The following MTUS2 variants were observed in gnomAD, a reference collection of about 807,000 sequenced individuals.
MTUS2 encodes the protein microtubule-associated tumor suppressor candidate 2.
In MTUS2, 40 loss-of-function variants were observed where a neutral mutation model predicts 114.1. The observed-to-expected ratio is 0.35, with a 90% CI of 0.27 to 0.46. MTUS2 has a LOEUF of 0.46. Among genes scored for constraint, MTUS2 ranks in the 20% least tolerant of loss-of-function variants. The probability of loss-of-function intolerance (pLI) is 1.00; values close to 1 mark genes in which losing one functional copy is unlikely to be tolerated. For synonymous variants in MTUS2, 688 were observed against 672.0 expected (o/e 1.02, Z -0.37); for missense variants, 1,679 against 1,705.4 (o/e 0.98, Z 0.27).
intron 5 of MTUS2, among the ~76,000 whole-genome samples, chr13:29,225,567 A>G (rs1593190205): frequency 1.3e-5 from 2 of 152,236 alleles, no homozygotes; most frequent in African/African-American, 2.4e-5. Flanking sequence ...TTAGAAAGAG[A>G]CATCTGAATA....
intron 2 of MTUS2, among the ~76,000 whole-genome samples, chr13:28,954,153 G>T (rs1038937700): frequency 6.6e-6 from 1 of 152,154 alleles, no homozygotes; most frequent in Non-Finnish European, 1.5e-5. Flanking sequence ...TGCAGAGTGT[G>T]TTCATTTTTA....
intron 5 of MTUS2, among the ~76,000 whole-genome samples, chr13:29,182,879 G>A (rs951925997): frequency 9.2e-5 from 14 of 152,298 alleles, no homozygotes; most frequent in African/African-American, 3.1e-4. Flanking sequence ...AACAGGCTTA[G>A]TGAGTTCCAA....
chr13:28,885,783 A>G (rs1272176570), intron 2 of MTUS2, among the ~76,000 whole-genome samples: 1 of 152,224 alleles, frequency 6.6e-6, no homozygotes, highest in East Asian at 1.9e-4. Context: ...TATCCCAGGC[A>G]ATGTTTTAGG....
chr13:29,432,008 C>CTTT (rs1318136819), intron 8 of MTUS2, among the ~76,000 whole-genome samples: 9 of 119,138 alleles, frequency 7.6e-5, no homozygotes, highest in East Asian at 2.9e-4. Context: ...CCACGCTCAG[C>CTTT]TATTTTTTTT....
At chr13:29,446,603 C>T (rs1196677809) in intron 9 of MTUS2, among the ~76,000 whole-genome samples, 1 of 152,128 alleles carries the variant, frequency 6.6e-6, no homozygotes, top group Non-Finnish European at 1.5e-5. Context: ...TTACTTTTTA[C>T]CTCTTTTGTT....
intron 2 of MTUS2, among the ~76,000 whole-genome samples, chr13:28,900,695 G>A (rs1047823379): frequency 5.3e-5 from 8 of 152,228 alleles, no homozygotes; most frequent in East Asian, 3.9e-4. Context: ...GTGGTTTCTC[G>A]TTCTAGGCTG....
At chr13:29,409,820 A>G (rs1483683662) in intron 8 of MTUS2, among the ~76,000 whole-genome samples, 4 of 149,936 alleles carry the variant, frequency 2.7e-5, no homozygotes, top group African/African-American at 7.4e-5. Flanking sequence ...TTTAACAACC[A>G]TAGTACTCCA....
intron 2 of MTUS2, among the ~76,000 whole-genome samples, chr13:28,943,089 G>A (rs575372460): frequency 7.7e-4 from 117 of 152,298 alleles, no homozygotes; most frequent in African/African-American, 2.6e-3. Flanking sequence ...ATTATGCTTA[G>A]TATCCCTTCT....
intron 9 of MTUS2, among the ~76,000 whole-genome samples, chr13:29,478,232 GAGT>G (rs1474439777): frequency 1.3e-5 from 2 of 152,202 alleles, no homozygotes; most frequent in Non-Finnish European, 2.9e-5. Context: ...GACGTCATCG[GAGT>G]AACTCGTGAA....
At chr13:29,228,664 A>G (rs1008781038) in intron 5 of MTUS2, among the ~76,000 whole-genome samples, 1 of 152,050 alleles carries the variant, frequency 6.6e-6, no homozygotes, top group Non-Finnish European at 1.5e-5. Context: ...TAGCATGAGG[A>G]ACTAAGTAAC....
intron 8 of MTUS2, among the ~76,000 whole-genome samples, chr13:29,424,679 T>G (rs776106992): frequency 6.6e-6 from 1 of 152,180 alleles, no homozygotes; most frequent in African/African-American, 2.4e-5. Flanking sequence ...AAATTGAACT[T>G]GAATCTAACC....
intron 8 of MTUS2, among the ~76,000 whole-genome samples, chr13:29,367,952 T>TG (rs1463362067): frequency 1.3e-5 from 2 of 150,994 alleles, no homozygotes; most frequent in African/African-American, 4.9e-5. Context: ...CTTTTTTTTT[T>TG]TTTTGAGATG....
At chr13:28,843,780 T>G (rs1875667966) in intron 2 of MTUS2, among the ~76,000 whole-genome samples, 1 of 152,216 alleles carries the variant, frequency 6.6e-6, no homozygotes. Context: ...TTTATTAAAC[T>G]AGGTCATCAG....
chr13:29,007,829 A>G (rs9506074), intron 2 of MTUS2, among the ~76,000 whole-genome samples: 68,606 of 152,086 alleles, frequency 0.45, 15,721 homozygotes, highest in Admixed American at 0.5. Flanking sequence ...TGTTTATGTT[A>G]TCCATAAGGC....
chr13:29,125,575 A>T (rs1422857160), intron 5 of MTUS2, among the ~76,000 whole-genome samples: 1 of 152,216 alleles, frequency 6.6e-6, no homozygotes, highest in Admixed American at 6.5e-5. Flanking sequence ...GAACGGTTTC[A>T]TGCAGCCACT....
intron 5 of MTUS2, among the ~76,000 whole-genome samples, chr13:29,246,579 C>T (rs1896933433): frequency 6.6e-6 from 1 of 152,218 alleles, no homozygotes; most frequent in Admixed American, 6.5e-5. Flanking sequence ...TGAACTCAAA[C>T]AGCACCTTGC....
Position 29,359,247 on chromosome 13 carries a change from T to A in MTUS2, c.2906-15T>A, listed in dbSNP as rs1426971362. ...TTTTTCACAGGTGACCGGGGTTTGGTTTTCTTTCTCACAGGATACCCAAAG... is the reference window on the plus strand; with the variant it reads ...TTTTTCACAGGTGACCGGGGTTTGGATTTCTTTCTCACAGGATACCCAAAG... On this transcript the variant is annotated splice_polypyrimidine_tract_variant and intron_variant, in intron 7 of 15. Transcript: ENST00000612955. 2 of 1,579,024 alleles carry A rather than the reference T, an allele frequency of 1.3e-6. No individual in the cohort carries two copies. The highest frequency in any genetic ancestry group is 1.7e-6 in the Non-Finnish European group (2 of 1,161,764).
intron 5 of MTUS2, among the ~76,000 whole-genome samples, chr13:29,189,732 C>CT (rs1894370381): frequency 6.6e-6 from 1 of 152,066 alleles, no homozygotes; most frequent in East Asian, 1.9e-4. Flanking sequence ...CTGAGGTGGA[C>CT]TTTAAGAAGT....
chr13:29,127,015 C>G (rs530338293), intron 5 of MTUS2, among the ~76,000 whole-genome samples: 14 of 152,334 alleles, frequency 9.2e-5, no homozygotes, highest in African/African-American at 3.4e-4. Context: ...CAGGTGCTGT[C>G]TTGGGTGCCC....
Sources: gnomAD v4.1 joint callset for allele counts (sites outside exome capture counted in the v4.1 genomes callset) on GRCh38, gnomAD v4.1.1 for gene constraint, MANE v1.5 for transcripts, NCBI Gene and HGNC (gene_info 2026-07-23, HGNC 2026-07-21) for gene names.